The following TTC7A variants were observed in gnomAD, a reference collection of about 807,000 sequenced individuals.
The protein encoded by TTC7A is tetratricopeptide repeat domain 7A, also known as tetratricopeptide repeat protein 7A.
A neutral mutation model predicts 103.7 loss-of-function variants in TTC7A; 110 were observed. The ratio of observed to expected loss-of-function variants is 1.06; its 90% CI spans 0.91 to 1.24. TTC7A has a LOEUF of 1.24. TTC7A is among the 50% of genes most tolerant of loss of function. The pLI, the probability that TTC7A is intolerant of heterozygous loss-of-function variation, is 0.00. For missense variants in TTC7A, 1,340 were observed against 1,116.3 expected, an observed-to-expected ratio of 1.20 and a Z score of -2.86; for synonymous variants, 521 against 467.9, an observed-to-expected ratio of 1.11 and a Z score of -1.47.
At chr2:46,979,567 C>A (rs1279541443) in intron 5 of TTC7A, among the ~76,000 whole-genome samples, 1 of 152,150 alleles carries the variant, frequency 6.6e-6, no homozygotes, top group African/African-American at 2.4e-5. Context: ...CTGGGTGAAG[C>A]AAGACCTGCC....
At chr2:47,056,855 GC>G (rs2104759398) in intron 18 of TTC7A, among the ~76,000 whole-genome samples, 1 of 152,212 alleles carries the variant, frequency 6.6e-6, no homozygotes, top group East Asian at 1.9e-4. Flanking sequence ...GAATGGAGGG[GC>G]CCCTTGACGC....
intron 16 of TTC7A, chr2:47,046,841 T>C (rs1389440014): frequency 8.5e-6 from 2 of 235,856 alleles, no homozygotes; most frequent in Non-Finnish European, 1.6e-5. Flanking sequence ...TGGTAAGTGG[T>C]AGTGCTGGGA....
intron 16 of TTC7A, 108 bp from the exon 17 acceptor site, chr2:47,049,841 C>T: frequency 1.3e-6 from 1 of 794,602 alleles, no homozygotes. Context: ...TGGAGTGAGG[C>T]TGTCCCATTC....
rs1425082763 is a variant in TTC7A, at chr2:46,972,096, G to A, written c.518-2877G>A. Among the ~76,000 whole-genome samples, 6 of 151,988 alleles carry A rather than the reference G, an allele frequency of 3.9e-5. No individual in the cohort carries two copies. The East Asian group carries it at 5.8e-4, about 15-fold the overall frequency. On this transcript the variant is annotated intron_variant, in intron 3 of 19. Transcript: ENST00000319190. The stretch of plus-strand genomic sequence containing the variant: ...AGGCAAAGCTGGATCTAGGTACTCC[G>A]TCTCTTTAAGAATCCACCCTTCTCT...
intron 12 of TTC7A, among the ~76,000 whole-genome samples, chr2:47,022,696 G>A (rs961101340): frequency 5.9e-5 from 9 of 152,242 alleles, no homozygotes; most frequent in Middle Eastern, 3.4e-3. Flanking sequence ...CGGTGACATC[G>A]GGTATAAATG....
Position 46,947,544 on chromosome 2 carries a change from C to T in TTC7A, c.185-2819C>T, listed in dbSNP as rs555384983. Among the ~76,000 whole-genome samples, 24 of 152,144 alleles carry T rather than the reference C, an allele frequency of 1.6e-4. 1 individual carries two copies. In the South Asian group the frequency reaches 4.1e-3, roughly 26 times the overall value. ...CAGCCTGGCCAACATGGTAAAACCC[C>T]GTCTCTACCAAAAATACAAAAAATT... On this transcript the variant is annotated intron_variant, in intron 1 of 19. Transcript: ENST00000319190.
chr2:46,958,598 G>A, intron 3 of TTC7A: 1 of 1,264,020 alleles, frequency 7.9e-7, no homozygotes, highest in Non-Finnish European at 1.0e-6. Context: ...GTCTCAGGCT[G>A]TGCTAGCTCC....
intron 15 of TTC7A, among the ~76,000 whole-genome samples, chr2:47,038,960 A>C (rs1212178249): frequency 6.6e-6 from 1 of 152,172 alleles, no homozygotes; most frequent in Non-Finnish European, 1.5e-5. Flanking sequence ...AGATGAAGGA[A>C]GGATCTCGCA....
intron 5 of TTC7A, among the ~76,000 whole-genome samples, chr2:46,983,007 A>G (rs965797951): frequency 6.6e-6 from 1 of 152,302 alleles, no homozygotes; most frequent in African/African-American, 2.4e-5. Context: ...ATAGAAATAA[A>G]GGAAAAGAAA....
chr2:46,978,434 T>G (rs1185065731), intron 4 of TTC7A, among the ~76,000 whole-genome samples: 1 of 152,122 alleles, frequency 6.6e-6, no homozygotes, highest in East Asian at 1.9e-4. Flanking sequence ...GATTGTTGAA[T>G]GAATGTTAGG....
At chr2:46,947,318 G>T (rs1433283447) in intron 1 of TTC7A, among the ~76,000 whole-genome samples, 1 of 152,162 alleles carries the variant, frequency 6.6e-6, no homozygotes, top group Admixed American at 6.5e-5. Context: ...ATAAAAAAGT[G>T]TCTGGCCCAT....
At chr2:47,049,903 G>A in intron 16 of TTC7A, 46 bp from the exon 17 acceptor site, 1 of 1,475,934 alleles carries the variant, frequency 6.8e-7, no homozygotes, top group Non-Finnish European at 9.5e-7. Context: ...GCCCTGTGAT[G>A]CTAGCCCTCT....
chr2:47,040,938 T>C (rs779130736), intron 15 of TTC7A, among the ~76,000 whole-genome samples: 1 of 152,182 alleles, frequency 6.6e-6, no homozygotes, highest in Non-Finnish European at 1.5e-5. Context: ...ACTGTGACCA[T>C]TGCTCTTCTG....
At chr2:46,983,196 C>G (rs960536676) in intron 5 of TTC7A, among the ~76,000 whole-genome samples, 3 of 152,040 alleles carry the variant, frequency 2.0e-5, no homozygotes, top group African/African-American at 7.2e-5. Flanking sequence ...GCTGGGAGAC[C>G]CGAGGCAGTT....
At chr2:46,943,664 G>A (rs1011537970) in intron 1 of TTC7A, among the ~76,000 whole-genome samples, 13 of 152,184 alleles carry the variant, frequency 8.5e-5, no homozygotes, top group African/African-American at 3.1e-4. Context: ...AGGGTTCCTT[G>A]ATCACTCAAG....
intron 8 of TTC7A, among the ~76,000 whole-genome samples, chr2:47,003,537 A>G (rs1302555044): frequency 2.0e-5 from 3 of 152,098 alleles, no homozygotes; most frequent in South Asian, 4.1e-4. Flanking sequence ...TTTTATCCTG[A>G]TGGCCATAGT....
Position 46,953,819 on chromosome 2 carries a change from C to CT in TTC7A, c.349-3006dup, listed in dbSNP as rs1041498077. On this transcript the variant is annotated intron_variant, in intron 2 of 19. Coordinates refer to ENST00000319190, the MANE Select transcript of TTC7A (RefSeq NM_020458.4). ...CCCATTTCTTTTTCTTTCTTTCTTTCTTTTTTTTTTTTTTCAATTTTTTGT... is the reference window on the plus strand; with the variant it reads ...CCCATTTCTTTTTCTTTCTTTCTTTCTTTTTTTTTTTTTTTCAATTTTTTGT... Among the ~76,000 whole-genome samples the CT allele has an allele frequency of 7.4e-3, 1,039 of 140,922 alleles. 24 individuals are homozygous for CT. The East Asian group carries it at 0.083, about 11-fold the overall frequency. The allele number at this position is 140,922 out of a possible 152,430, so 92.5% of individuals were successfully genotyped here.
chr2:47,011,292 A>T, intron 10 of TTC7A, 39 bp from the exon 11 acceptor site: 1 of 1,584,448 alleles, frequency 6.3e-7, no homozygotes, highest in Non-Finnish European at 8.6e-7. Context: ...GAGATCCAGG[A>T]CTGTGAGTGA....
chr2:46,915,907 T>C, upstream of TTC7A: 1 of 983,732 alleles, frequency 1.0e-6, no homozygotes. Flanking sequence ...CGGCGGGCTG[T>C]GAGGACGGCT....
Sources: allele counts gnomAD v4.1 joint callset (sites outside exome capture counted in the v4.1 genomes callset), GRCh38; gene constraint gnomAD v4.1.1; transcripts MANE v1.5; gene names NCBI Gene and HGNC (gene_info 2026-07-23, HGNC 2026-07-21).